The following ECPAS variants were observed in gnomAD, a reference collection of about 807,000 sequenced individuals.
ECPAS encodes the protein proteasome adapter and scaffold protein ECM29.
Under a neutral mutation model 255.1 loss-of-function variants are expected in ECPAS, and 70 were observed. That is an observed-to-expected ratio of 0.27 (90% CI 0.23 to 0.33). ECPAS has a LOEUF of 0.33. Among genes scored for constraint, ECPAS ranks in the 10% least tolerant of loss-of-function variants. The pLI, the probability that ECPAS is intolerant of heterozygous loss-of-function variation, is 1.00. For synonymous variants in ECPAS, 784 were observed against 775.0 expected, an observed-to-expected ratio of 1.01 and a Z score of -0.19; for missense variants, 1,817 against 2,206.4, an observed-to-expected ratio of 0.82 and a Z score of 3.54.
At chr9:111,412,598 T>C (rs751656865) in intron 20 of ECPAS, among the ~76,000 whole-genome samples, 1 of 152,130 alleles carries the variant, frequency 6.6e-6, no homozygotes, top group Non-Finnish European at 1.5e-5. Flanking sequence ...CATTTAAAAA[T>C]GTAAAAACCA....
chr9:111,458,064 A>G (rs1661824785), intron 2 of ECPAS, among the ~76,000 whole-genome samples: 1 of 152,206 alleles, frequency 6.6e-6, no homozygotes, highest in African/African-American at 2.4e-5. Context: ...TCCTTTGCAT[A>G]TATTATGGGG....
intron 13 of ECPAS, 65 bp from the exon 14 acceptor site, chr9:111,422,265 T>C: frequency 6.6e-7 from 1 of 1,525,324 alleles, no homozygotes. Context: ...AGGGAAAAAA[T>C]GAAACTAAAC....
rs202159175 is a variant in ECPAS at position 111,428,114 on chromosome 9, T to C, written c.978A>G (p.Arg326=). Residue 326 remains arginine (R), a synonymous_variant, in exon 10 of 50, where the codon AGA becomes AGG. Coordinates refer to ENST00000684092, the MANE Select transcript of ECPAS (RefSeq NM_001364929.1). ...GATGGGGGACAATCTTTAACTTGAC[T>C]CTTGTACTGACAGGGTCCCTTTTCA... ...PELKRDPVST[R]VKLKIVPHLL... is the part of the protein sequence containing the mutation. The C allele has an allele frequency of 1.2e-6, 2 of 1,613,028 alleles. No homozygotes were observed. Among genetic ancestry groups the C allele is most frequent in the East Asian group, 4.5e-5 (2 of 44,806 alleles).
At chr9:111,474,788 CTA>C (rs1234752807) in intron 1 of ECPAS, among the ~76,000 whole-genome samples, 1 of 152,182 alleles carries the variant, frequency 6.6e-6, no homozygotes, top group Non-Finnish European at 1.5e-5. Context: ...CCTAACAATA[CTA>C]TGAGTGAATC....
At chr9:111,392,907 T>C in intron 27 of ECPAS, 25 bp from the exon 28 acceptor site, 1 of 1,547,404 alleles carries the variant, frequency 6.5e-7, no homozygotes, top group Non-Finnish European at 8.8e-7. Context: ...GACAAGATTG[T>C]ATCACTTTAA....
chr9:111,466,911 AT>A (rs2098280292), intron 2 of ECPAS, among the ~76,000 whole-genome samples: 2 of 152,148 alleles, frequency 1.3e-5, no homozygotes, highest in African/African-American at 4.8e-5. Flanking sequence ...CACCCAGCTC[AT>A]TTATTTTCCT....
intron 45 of ECPAS, among the ~76,000 whole-genome samples, chr9:111,370,071 T>C (rs1564495666): frequency 6.6e-6 from 1 of 152,238 alleles, no homozygotes; most frequent in Non-Finnish European, 1.5e-5. Flanking sequence ...AAGTGCCATC[T>C]AGCGGTGCCC....
intron 7 of ECPAS, 78 bp downstream of exon 7, chr9:111,436,862 T>C (rs896132949): frequency 2.4e-6 from 3 of 1,234,246 alleles, no homozygotes; most frequent in African/African-American, 3.1e-5. Context: ...ACTAGAATTA[T>C]GTTTTATACG....
At chr9:111,382,385 C>A (rs953286120) in intron 35 of ECPAS, among the ~76,000 whole-genome samples, 4 of 151,778 alleles carry the variant, frequency 2.6e-5, no homozygotes, top group Non-Finnish European at 4.4e-5. Flanking sequence ...CTGCCTCAGC[C>A]TCCCAAGTAG....
chr9:111,426,234 T>C (rs2098221368), intron 10 of ECPAS, among the ~76,000 whole-genome samples: 1 of 152,200 alleles, frequency 6.6e-6, no homozygotes, highest in South Asian at 2.1e-4. Context: ...TCAAGTATTA[T>C]GGAACCACAT....
intron 1 of ECPAS, among the ~76,000 whole-genome samples, chr9:111,477,334 A>G (rs557339658): frequency 6.7e-6 from 1 of 149,762 alleles, no homozygotes; most frequent in South Asian, 2.1e-4. Flanking sequence ...CTGGTCTTGA[A>G]CTCCTGCTCT....
chr9:111,430,622 A>C lies in ECPAS; in HGVS notation c.855T>G (p.Ile285Met). Residue 285 changes from isoleucine (I) to methionine (M), a missense_variant, in exon 9 of 50, where the codon ATT becomes ATG. Ile to Met is a conservative substitution (Grantham distance 10). Around this residue, in one of 4 missense-constraint regions of ECPAS, gnomAD observed 573 missense variants for 716.2 expected, o/e 0.80. Coordinates refer to ENST00000684092, the MANE Select transcript of ECPAS (RefSeq NM_001364929.1). ...DLELKSKQSL[I>M]DWNNPAIINK... is the part of the protein sequence containing the mutation. ...TAATGATGGCAGGATTATTCCAGTC[A>C]ATTAAGCTATGGAAGGTTTCAACAC... 1 of 1,589,574 alleles carries C rather than the reference A, an allele frequency of 6.3e-7. No homozygotes were observed. Among genetic ancestry groups the C allele is most frequent in the Non-Finnish European group, 8.6e-7 (1 of 1,165,852 alleles).
chr9:111,401,790 T>G (rs1048295314), intron 24 of ECPAS, among the ~76,000 whole-genome samples: 9 of 152,216 alleles, frequency 5.9e-5, no homozygotes, highest in African/African-American at 2.2e-4. Context: ...CTCACACATC[T>G]GTCTACAGGC....
intron 28 of ECPAS, among the ~76,000 whole-genome samples, 161 bp downstream of exon 28, chr9:111,392,607 T>C (rs1296893787): frequency 6.6e-6 from 1 of 152,238 alleles, no homozygotes; most frequent in African/African-American, 2.4e-5. Context: ...TACCCTGGAA[T>C]AATTGTGCTA....
rs375167738 is a variant in ECPAS, at chr9:111,363,785, T to C, written c.5309-126A>G. On this transcript the variant is annotated intron_variant, in intron 48 of 49. Coordinates refer to ENST00000684092, the MANE Select transcript of ECPAS (RefSeq NM_001364929.1). ...TCTAGGGAAGGGTATATCTGATTTT[T>C]TTTTTTTAAAGGAAGCTTCCCTTTG... The C allele has an allele frequency of 2.3e-3, 1,341 of 585,678 alleles. 2 individuals carry two copies. Among genetic ancestry groups the C allele is most frequent in the Middle Eastern group, 5.5e-3 (16 of 2,888 alleles). 36.3% of individuals were successfully genotyped at this position (585,678 alleles called of 1,614,324 possible).
Position 111,417,888 on chromosome 9 carries a change from C to T in ECPAS, c.1678G>A (p.Glu560Lys), listed in dbSNP as rs777585449. The T allele has an allele frequency of 1.9e-6, 3 of 1,560,150 alleles. No individual in the cohort carries two copies. The highest frequency in any genetic ancestry group is 1.7e-6 in the Non-Finnish European group (2 of 1,152,270). ...CCTTAAGTTGCATGCCATACCTTTTCTTGGATGTAATAAACCATTTCTGGG... is the reference window on the plus strand; with the variant it reads ...CCTTAAGTTGCATGCCATACCTTTTTTTGGATGTAATAAACCATTTCTGGG... ...SFPEMVYYIQ[E>K]KASHRMKTPV... Residue 560 changes from glutamate to lysine, a missense_variant, in exon 17 of 50, where the codon GAA becomes AAA. Around this residue, in one of 4 missense-constraint regions of ECPAS, gnomAD observed 573 missense variants for 716.2 expected, o/e 0.80. Transcript: ENST00000684092.
rs542684381 is a variant in ECPAS, at chr9:111,483,794, G to A, written c.-83+322C>T. On this transcript the variant is annotated intron_variant, in intron 1 of 49. Coordinates refer to ENST00000684092, the MANE Select transcript of ECPAS (RefSeq NM_001364929.1). The stretch of plus-strand genomic sequence containing the variant: ...CCTCTGCGGAGCCGCTGCCGCTGCC[G>A]CCGCCGCCGTCTGTGCGGCCGAATC... The A allele has an allele frequency of 8.5e-4, 168 of 197,556 alleles. 3 individuals carry two copies. The South Asian group carries it at 0.024, about 28-fold the overall frequency. 12.2% of individuals were successfully genotyped at this position (197,556 alleles called of 1,614,324 possible). A position where few individuals can be genotyped will look rare whatever the true frequency, so the allele number is the denominator to read the frequency against.
chr9:111,442,525 G>C, intron 4 of ECPAS, 101 bp from the exon 5 acceptor site: 1 of 776,298 alleles, frequency 1.3e-6, no homozygotes. Context: ...TTACAACAAA[G>C]ACATTGTAAA....
At chr9:111,480,662 ATG>A (rs1223651222) in intron 1 of ECPAS, among the ~76,000 whole-genome samples, 21 of 152,212 alleles carry the variant, frequency 1.4e-4, no homozygotes, top group African/African-American at 4.8e-4. Context: ...AGTGGTTTAT[ATG>A]AAACTTCTTA....
Sources: gnomAD v4.1 joint callset for allele counts (sites outside exome capture counted in the v4.1 genomes callset) on GRCh38, gnomAD v4.1.1 for gene constraint, gnomAD v4.1.1 regional missense constraint, MANE v1.5 for transcripts, NCBI Gene and HGNC (gene_info 2026-07-23, HGNC 2026-07-21) for gene names.